The following COL24A1 variants were observed in gnomAD, a reference collection of about 807,000 sequenced individuals.
The protein encoded by COL24A1 is collagen alpha-1(XXIV) chain.
Under a neutral mutation model 253.9 loss-of-function variants are expected in COL24A1, and 224 were observed. The ratio of observed to expected loss-of-function variants is 0.88; its 90% CI spans 0.79 to 0.99. The LOEUF is 0.99. COL24A1 is among the 50% of genes least tolerant of loss of function. The pLI is 0.00. For synonymous variants in COL24A1, 685 were observed against 673.7 expected (o/e 1.02, Z -0.26); for missense variants, 2,131 against 2,068.5 (o/e 1.03, Z -0.59).
chr1:85,757,177 C>G (rs1409512365), intron 55 of COL24A1, among the ~76,000 whole-genome samples: 3 of 152,140 alleles, frequency 2.0e-5, no homozygotes, highest in Non-Finnish European at 2.9e-5. Flanking sequence ...CCACTGAACT[C>G]TACACTTAAA....
intron 19 of COL24A1, among the ~76,000 whole-genome samples, chr1:86,013,201 T>C (rs1696686959): frequency 6.6e-6 from 1 of 152,164 alleles, no homozygotes; most frequent in Admixed American, 6.5e-5. Flanking sequence ...AGATATTAAC[T>C]TAAACCTTTT....
chr1:86,053,572 A>C (rs948443931), intron 10 of COL24A1, among the ~76,000 whole-genome samples: 7 of 152,108 alleles, frequency 4.6e-5, no homozygotes, highest in South Asian at 2.1e-4. Context: ...ATAATAACAC[A>C]TGTTTTTGCT....
At chr1:85,891,661 G>C (rs926998505) in intron 31 of COL24A1, among the ~76,000 whole-genome samples, 2 of 152,142 alleles carry the variant, frequency 1.3e-5, no homozygotes, top group Non-Finnish European at 2.9e-5. Context: ...CCTTAATTAA[G>C]AGAGAGGATC....
At chr1:86,137,552 T>G (rs1009435722) in intron 2 of COL24A1, among the ~76,000 whole-genome samples, 17 of 152,142 alleles carry the variant, frequency 1.1e-4, no homozygotes, top group Non-Finnish European at 5.9e-5. Context: ...TAGGAAAGGT[T>G]TGTGTTAAGT....
At chr1:85,930,156 G>A (rs1687676959) in intron 24 of COL24A1, among the ~76,000 whole-genome samples, 1 of 62,678 alleles carries the variant, frequency 1.6e-5, no homozygotes, top group Admixed American at 2.1e-4. Context: ...CTGGTTTTTT[G>A]AAAGGATCAA....
intron 7 of COL24A1, among the ~76,000 whole-genome samples, chr1:86,078,583 C>T (rs1047232144): frequency 2.0e-5 from 3 of 152,036 alleles, no homozygotes; most frequent in Non-Finnish European, 4.4e-5. Flanking sequence ...CAAAACAAAA[C>T]CTATTAGAAC....
intron 58 of COL24A1, among the ~76,000 whole-genome samples, chr1:85,735,174 G>A (rs1303132129): frequency 6.6e-6 from 1 of 152,080 alleles, no homozygotes; most frequent in East Asian, 1.9e-4. Context: ...GACTCCTGTG[G>A]TAGAAGCACT....
intron 19 of COL24A1, among the ~76,000 whole-genome samples, chr1:85,990,450 C>T (rs1694145711): frequency 6.6e-6 from 1 of 152,306 alleles, no homozygotes; most frequent in South Asian, 2.1e-4. Context: ...GTGCAGTTCA[C>T]AACAGGGTTC....
rs1665358723 is a variant in COL24A1 at position 85,747,432 on chromosome 1, T to C, written c.4438-1926A>G. 3.3e-5 allele frequency among the ~76,000 whole-genome samples: 5 copies of C among 152,044 alleles called. No homozygotes were observed. The South Asian group carries it at 1.0e-3, about 31-fold the overall frequency. The stretch of plus-strand genomic sequence containing the variant: ...CCCGGCCAACTTTTGATATTGACTA[T>C]AGTAGAAACCAAAATAAATTTTAAA... On this transcript the variant is annotated intron_variant, in intron 55 of 59. Coordinates refer to ENST00000370571, the MANE Select transcript of COL24A1 (RefSeq NM_152890.7).
chr1:85,957,979 C>G (rs1690638052), intron 24 of COL24A1, among the ~76,000 whole-genome samples: 1 of 152,138 alleles, frequency 6.6e-6, no homozygotes, highest in Non-Finnish European at 1.5e-5. Context: ...TTCAGTTCCT[C>G]AAAAGAGCTA....
At chr1:86,008,872 A>T (rs1696227421) in intron 19 of COL24A1, among the ~76,000 whole-genome samples, 1 of 151,726 alleles carries the variant, frequency 6.6e-6, no homozygotes, top group Non-Finnish European at 1.5e-5. Flanking sequence ...ATAATGGCAG[A>T]CAAAACCCCT....
intron 37 of COL24A1, among the ~76,000 whole-genome samples, 160 bp from the exon 38 acceptor site, chr1:85,849,566 C>T (rs1677519160): frequency 6.6e-6 from 1 of 152,034 alleles, no homozygotes. Flanking sequence ...AAAAAGAGGT[C>T]ACAATGACTT....
At chr1:86,025,507 C>A (rs933766934) in intron 14 of COL24A1, among the ~76,000 whole-genome samples, 6 of 152,296 alleles carry the variant, frequency 3.9e-5, no homozygotes, top group African/African-American at 1.4e-4. Context: ...ACGTGATACA[C>A]ATTGTCACTA....
chr1:85,840,300 G>A (rs1282744546), intron 42 of COL24A1, among the ~76,000 whole-genome samples: 1 of 151,948 alleles, frequency 6.6e-6, no homozygotes, highest in Non-Finnish European at 1.5e-5. Context: ...TCTCTTAGTG[G>A]TTTAGAGAGA....
At chr1:85,760,745 G>A (rs866056498) in intron 55 of COL24A1, among the ~76,000 whole-genome samples, 2 of 152,208 alleles carry the variant, frequency 1.3e-5, no homozygotes, top group Non-Finnish European at 2.9e-5. Flanking sequence ...GGAGTGGGGT[G>A]TGGGTGAGGT....
intron 53 of COL24A1, among the ~76,000 whole-genome samples, chr1:85,773,691 G>C (rs1668226488): frequency 1.3e-5 from 2 of 152,238 alleles, no homozygotes; most frequent in Middle Eastern, 3.4e-3. Flanking sequence ...TGGTGTATAG[G>C]AATGCTTGTG....
intron 32 of COL24A1, among the ~76,000 whole-genome samples, chr1:85,880,715 A>G (rs892986831): frequency 3.1e-5 from 2 of 65,236 alleles, no homozygotes; most frequent in Middle Eastern, 7.7e-3. Flanking sequence ...CTTTATTCCA[A>G]GTTTGAGAGT....
At chr1:85,876,085 C>T (rs1018394177) in intron 33 of COL24A1, among the ~76,000 whole-genome samples, 11 of 151,950 alleles carry the variant, frequency 7.2e-5, no homozygotes, top group African/African-American at 2.2e-4. Flanking sequence ...ATCCTAAAGG[C>T]CATGAGAGCT....
intron 5 of COL24A1, among the ~76,000 whole-genome samples, chr1:86,109,439 G>A (rs1043088124): frequency 1.1e-4 from 17 of 152,144 alleles, no homozygotes; most frequent in African/African-American, 3.9e-4. Flanking sequence ...TCACATTAAT[G>A]TATTTAGCCA....
Sources: gnomAD v4.1 joint callset for allele counts (sites outside exome capture counted in the v4.1 genomes callset) on GRCh38, gnomAD v4.1.1 for gene constraint, MANE v1.5 for transcripts, NCBI Gene and HGNC (gene_info 2026-07-23, HGNC 2026-07-21) for gene names.